Variants in DIP2C observed in about 807,000 individuals in gnomAD.
DIP2C encodes DIP2 acetate--CoA ligase C (putative).
DIP2C carries 33 observed loss-of-function variants against 192.4 expected under a neutral mutation model. The observed-to-expected ratio is 0.17, with a 90% CI of 0.13 to 0.23. The LOEUF (loss-of-function observed/expected upper bound fraction) is 0.23. DIP2C is among the 10% of genes least tolerant of loss of function. DIP2C has a pLI of 1.00. For missense variants in DIP2C, 1,537 were observed against 2,110.1 expected, an observed-to-expected ratio of 0.73 and a Z score of 5.32; for synonymous variants, 979 against 864.1, an observed-to-expected ratio of 1.13 and a Z score of -2.33.
In DIP2C at chr10:377,157, T is replaced by TC. The variant is rs397793797; in HGVS notation, c.1991+5489_1991+5490insG. Among the ~76,000 whole-genome samples, 13 of 151,562 alleles carry TC rather than the reference T, an allele frequency of 8.6e-5. No individual in the cohort carries two copies. In the East Asian group the frequency reaches 2.1e-3, roughly 25 times the overall value. Reference sequence around the variant, plus strand: ...TGCAGCGCAGTTTTTTTTTTTTTTTTGCACTGAATATACTATTTACAGATA... The same window carrying TC: ...TGCAGCGCAGTTTTTTTTTTTTTTTTCGCACTGAATATACTATTTACAGATA... On this transcript the variant is annotated intron_variant, in intron 17 of 36. Coordinates refer to ENST00000280886, the MANE Select transcript of DIP2C (RefSeq NM_014974.3).
chr10:451,376 C>T (rs369166038), intron 3 of DIP2C, among the ~76,000 whole-genome samples: 1 of 152,202 alleles, frequency 6.6e-6, no homozygotes, highest in Non-Finnish European at 1.5e-5. Context: ...ATTATCCTAT[C>T]GCCCTTCAGT....
intron 1 of DIP2C, among the ~76,000 whole-genome samples, chr10:577,397 T>C (rs940977187): frequency 1.3e-4 from 20 of 152,252 alleles, no homozygotes; most frequent in Non-Finnish European, 2.8e-4. Flanking sequence ...GTCAGTACCC[T>C]TTCTATGTGG....
chr10:280,977 T>C (rs1411449972), intron 36 of DIP2C, among the ~76,000 whole-genome samples: 1 of 152,216 alleles, frequency 6.6e-6, no homozygotes, highest in East Asian at 1.9e-4. Context: ...TTCACGGCAA[T>C]AGAAGTCTAT....
At chr10:605,176 C>T (rs1174966355) in intron 1 of DIP2C, among the ~76,000 whole-genome samples, 3 of 152,174 alleles carry the variant, frequency 2.0e-5, no homozygotes, top group Non-Finnish European at 4.4e-5. Context: ...CTGGTCACTC[C>T]GCCGGCTGCA....
chr10:495,380 A>G (rs1462408288), intron 1 of DIP2C, among the ~76,000 whole-genome samples: 2 of 152,186 alleles, frequency 1.3e-5, no homozygotes, highest in Non-Finnish European at 2.9e-5. Flanking sequence ...AAACTGGGTA[A>G]GAGAATGGAT....
rs535319861 is a variant in DIP2C, at chr10:626,652, A to G, written c.85+62842T>C. On this transcript the variant is annotated intron_variant, in intron 1 of 36. Transcript: ENST00000280886. ...CATTCCGGCCTATTCAGGACGGGGG[A>G]CACACCCTGGGGAAATGCCTGCATG... is the stretch of plus-strand genomic sequence containing the variant. Among the ~76,000 whole-genome samples the G allele has an allele frequency of 2.0e-5, 3 of 151,990 alleles. No individual in the cohort carries two copies. The South Asian group carries it at 6.2e-4, about 32-fold the overall frequency.
chr10:367,354 C>T (rs376141673), intron 18 of DIP2C, among the ~76,000 whole-genome samples: 342 of 151,602 alleles, frequency 2.3e-3, no homozygotes, highest in Admixed American at 3.1e-3. Context: ...GAGGCAGAGC[C>T]TGCGGTGAAC....
At chr10:418,261 TGTC>T (rs1965927519) in intron 6 of DIP2C, among the ~76,000 whole-genome samples, 1 of 135,134 alleles carries the variant, frequency 7.4e-6, no homozygotes, top group Non-Finnish European at 1.6e-5. Context: ...TCACTGCACC[TGTC>T]AGGCCTCAGA....
At chr10:353,974 C>G (rs7916145) in intron 24 of DIP2C, among the ~76,000 whole-genome samples, 1 of 152,186 alleles carries the variant, frequency 6.6e-6, no homozygotes, top group Admixed American at 6.5e-5. Context: ...CTATGAATGC[C>G]GTGAGGACGA....
At chr10:455,370 G>A (rs1372440961) in intron 3 of DIP2C, among the ~76,000 whole-genome samples, 1 of 122,770 alleles carries the variant, frequency 8.1e-6, no homozygotes, top group Admixed American at 8.3e-5. Context: ...GTGAGTCCCT[G>A]CCTGAGGGGA....
intron 13 of DIP2C, among the ~76,000 whole-genome samples, chr10:389,278 A>C (rs1963262338): frequency 6.6e-6 from 1 of 151,972 alleles, no homozygotes; most frequent in Non-Finnish European, 1.5e-5. Flanking sequence ...GTTTCAGGGG[A>C]TATCAGCAGG....
chr10:507,560 C>T (rs531593619), intron 1 of DIP2C, among the ~76,000 whole-genome samples: 1 of 152,272 alleles, frequency 6.6e-6, no homozygotes, highest in South Asian at 2.1e-4. Flanking sequence ...AGGTTAGGGA[C>T]TGTGTGCGCG....
intron 1 of DIP2C, among the ~76,000 whole-genome samples, chr10:681,619 C>G (rs1831137247): frequency 6.6e-6 from 1 of 152,150 alleles, no homozygotes; most frequent in African/African-American, 2.4e-5. Context: ...CAGCCACCAT[C>G]TATGGCCACG....
chr10:377,663 C>T (rs945697618), intron 17 of DIP2C, among the ~76,000 whole-genome samples: 3 of 152,196 alleles, frequency 2.0e-5, no homozygotes, highest in African/African-American at 7.2e-5. Flanking sequence ...CAGGGCTGTG[C>T]TGACGTTTTC....
intron 1 of DIP2C, among the ~76,000 whole-genome samples, chr10:585,133 A>G (rs1330454588): frequency 1.3e-5 from 2 of 152,228 alleles, no homozygotes; most frequent in African/African-American, 4.8e-5. Context: ...GTAAGGAACA[A>G]GGGTACTTTT....
chr10:289,028 CATT>C (rs1435500890), intron 32 of DIP2C, among the ~76,000 whole-genome samples: 1 of 152,260 alleles, frequency 6.6e-6, no homozygotes, highest in Non-Finnish European at 1.5e-5. Flanking sequence ...CTCCCAGGTG[CATT>C]ATTTATTTTG....
intron 17 of DIP2C, 85 bp downstream of exon 17, chr10:382,562 C>T (rs751576057): frequency 1.9e-6 from 2 of 1,053,428 alleles, no homozygotes; most frequent in African/African-American, 1.6e-5. Context: ...CCCTCAGCAT[C>T]AACTGTTAGG....
intron 1 of DIP2C, among the ~76,000 whole-genome samples, chr10:688,555 C>T (rs189892368): frequency 1.3e-5 from 2 of 151,992 alleles, no homozygotes; most frequent in Admixed American, 1.3e-4. Context: ...GTGAGACGCG[C>T]CGGCCCACCC....
At chr10:387,592 A>G (rs1218030141) in intron 14 of DIP2C, among the ~76,000 whole-genome samples, 153 bp downstream of exon 14, 1 of 72,028 alleles carries the variant, frequency 1.4e-5, no homozygotes, top group African/African-American at 5.5e-5. Context: ...GTGGACAGGC[A>G]GGGTGGGAGG....
Sources: allele counts gnomAD v4.1 joint callset (sites outside exome capture counted in the v4.1 genomes callset), GRCh38; gene constraint gnomAD v4.1.1; transcripts MANE v1.5; gene names NCBI Gene and HGNC (gene_info 2026-07-23, HGNC 2026-07-21).